Variants in PRR16 observed in about 807,000 individuals in gnomAD.
PRR16 encodes proline rich 16.
Under a neutral mutation model 18.2 loss-of-function variants are expected in PRR16, and 6 were observed. That is an observed-to-expected ratio of 0.33 (90% CI 0.18 to 0.65). The LOEUF (loss-of-function observed/expected upper bound fraction) is 0.65. Among genes scored for constraint, PRR16 ranks in the 30% least tolerant of loss-of-function variants. PRR16 has a pLI of 0.74. For missense variants in PRR16, 412 were observed against 376.6 expected, an observed-to-expected ratio of 1.09 and a Z score of -0.78; for synonymous variants, 151 against 147.8, an observed-to-expected ratio of 1.02 and a Z score of -0.16.
In PRR16 at chr5:120,592,617, C is replaced by G. The variant is rs117780291; in HGVS notation, c.160-93337C>G. 1.5e-3 allele frequency among the ~76,000 whole-genome samples: 235 copies of G among 152,244 alleles called. 10 individuals carry two copies. In the East Asian group the frequency reaches 0.044, roughly 28 times the overall value. On this transcript the variant is annotated intron_variant, in intron 1 of 1. Transcript: ENST00000407149. The stretch of plus-strand genomic sequence containing the variant: ...CAACTGCTTTACACATTATTCATCT[C>G]TCCTTTGTCTTTGTTGCCCATTGTG...
At chr5:120,735,536 T>C in the PRR16 span, among the ~76,000 whole-genome samples, 1 of 152,192 alleles carries the variant, frequency 6.6e-6, no homozygotes, top group Non-Finnish European at 1.5e-5. Context: ...TGAGAGCTTA[T>C]GTGGTTTTGA....
chr5:120,582,582 A>G (rs1462326474), intron 1 of PRR16, among the ~76,000 whole-genome samples: 3 of 152,224 alleles, frequency 2.0e-5, no homozygotes, highest in Non-Finnish European at 2.9e-5. Context: ...TAGAGAAAAT[A>G]TAGTTACAAA....
intron 1 of PRR16, among the ~76,000 whole-genome samples, chr5:120,486,526 A>G (rs574695844): frequency 6.6e-6 from 1 of 151,782 alleles, no homozygotes; most frequent in Admixed American, 6.6e-5. Context: ...GTTTGAGTTC[A>G]TTGTAGATGC....
At chr5:120,774,504 A>G in the PRR16 span, among the ~76,000 whole-genome samples, 2 of 152,150 alleles carry the variant, frequency 1.3e-5, no homozygotes, top group Non-Finnish European at 2.9e-5. Context: ...AATTTGACAA[A>G]GTGCATAGAA....
intron 1 of PRR16, among the ~76,000 whole-genome samples, chr5:120,497,367 CCT>C (rs1750284079): frequency 6.8e-6 from 1 of 147,790 alleles, no homozygotes. Flanking sequence ...TTTTGCTTCC[CCT>C]GTTTTGATGA....
At chr5:120,528,585 G>A (rs56946198) in intron 1 of PRR16, among the ~76,000 whole-genome samples, 25,612 of 152,124 alleles carry the variant, frequency 0.17, 2,600 homozygotes, top group African/African-American at 0.28. Flanking sequence ...AGGCATCCAA[G>A]TTTCCAGATG....
chr5:120,598,550 C>A (rs558331405), intron 1 of PRR16, among the ~76,000 whole-genome samples: 1 of 151,808 alleles, frequency 6.6e-6, no homozygotes, highest in Non-Finnish European at 1.5e-5. Flanking sequence ...TATAACCCAA[C>A]AGGTAGTTTT....
chr5:120,681,419 A>G (rs1756970063), intron 1 of PRR16, among the ~76,000 whole-genome samples: 1 of 152,124 alleles, frequency 6.6e-6, no homozygotes, highest in African/African-American at 2.4e-5. Flanking sequence ...CAATGAACTT[A>G]AATAGTTTAA....
intron 1 of PRR16, among the ~76,000 whole-genome samples, chr5:120,479,677 G>A (rs1162105642): frequency 2.0e-5 from 3 of 151,976 alleles, no homozygotes; most frequent in Non-Finnish European, 4.4e-5. Flanking sequence ...CACTTGTAAA[G>A]AAGAAGATAA....
intron 1 of PRR16, among the ~76,000 whole-genome samples, chr5:120,466,557 A>C (rs1414852884): frequency 1.3e-5 from 2 of 152,228 alleles, no homozygotes; most frequent in South Asian, 4.1e-4. Context: ...TTTGCTTTGC[A>C]TCATTATTTA....
the PRR16 span, among the ~76,000 whole-genome samples, chr5:120,726,111 G>C: frequency 7.9e-5 from 12 of 152,088 alleles, no homozygotes; most frequent in Admixed American, 6.6e-4. Context: ...ACTGAATATA[G>C]TGAATAAGAG....
chr5:120,623,713 A>C (rs1484701489), intron 1 of PRR16, among the ~76,000 whole-genome samples: 1 of 152,136 alleles, frequency 6.6e-6, no homozygotes, highest in African/African-American at 2.4e-5. Flanking sequence ...TTAATTTGCC[A>C]TGGATTCATT....
At chr5:120,606,095 A>C (rs971378578) in intron 1 of PRR16, among the ~76,000 whole-genome samples, 1 of 152,226 alleles carries the variant, frequency 6.6e-6, no homozygotes, top group African/African-American at 2.4e-5. Context: ...TGCATGCTGC[A>C]TGATGGTGGG....
At position 120,488,823 on chromosome 5, in the gene PRR16, T is replaced by A. The variant is rs372252452; in HGVS notation, c.159+24178T>A. 1.6e-4 allele frequency among the ~76,000 whole-genome samples: 24 copies of A among 152,346 alleles called. No homozygotes were observed. In the East Asian group the frequency reaches 2.1e-3, roughly 13 times the overall value. The stretch of plus-strand genomic sequence containing the variant: ...TTCCCTCTACACACTGCTTTGAATG[T>A]GTCTCCCAGAGATTCTGGTGTGTTG... On this transcript the variant is annotated intron_variant, in intron 1 of 1. Transcript: ENST00000407149.
chr5:120,705,542 A>G, the PRR16 span, among the ~76,000 whole-genome samples: 1 of 152,062 alleles, frequency 6.6e-6, no homozygotes, highest in South Asian at 2.1e-4. Context: ...TCTGTTCATT[A>G]TGTTTTTTCT....
chr5:120,657,400 C>T (rs973156830), intron 1 of PRR16, among the ~76,000 whole-genome samples: 3 of 151,936 alleles, frequency 2.0e-5, no homozygotes, highest in Non-Finnish European at 4.4e-5. Context: ...TACACATTCT[C>T]CTAGTTCCAT....
In PRR16 at chr5:120,686,527, C is replaced by A. The variant is rs944534709; in HGVS notation, c.733C>A (p.Pro245Thr). 6.2e-7 allele frequency: 1 copy of A among 1,613,862 alleles called. No individual in the cohort carries two copies. Residue 245 changes from proline to threonine, a missense_variant, in exon 2 of 2, where the codon CCT becomes ACT. Pro to Thr is a conservative substitution (Grantham distance 38). Coordinates refer to ENST00000407149, the MANE Select transcript of PRR16 (RefSeq NM_001300783.2). Reference protein sequence around the residue: ...SEPVHPPGKIPHQGPPLPPTP... With the variant: ...SEPVHPPGKITHQGPPLPPTP... ...ACCTGTCCACCCACCGGGAAAGATT[C>A]CTCACCAAGGCCCTCCCCTCCCTCC... is the stretch of plus-strand genomic sequence containing the variant.
intron 1 of PRR16, among the ~76,000 whole-genome samples, chr5:120,505,422 CAATCA>C (rs1750607754): frequency 6.6e-6 from 1 of 151,432 alleles, no homozygotes; most frequent in African/African-American, 2.5e-5. Flanking sequence ...GGCAGGTGTC[CAATCA>C]CAAATGGACT....
At chr5:120,743,571 C>A in the PRR16 span, among the ~76,000 whole-genome samples, 1 of 152,048 alleles carries the variant, frequency 6.6e-6, no homozygotes, top group African/African-American at 2.4e-5. Flanking sequence ...AGGAACTTTG[C>A]AAACTTTATC....
Sources: allele counts gnomAD v4.1 joint callset (sites outside exome capture counted in the v4.1 genomes callset), GRCh38; gene constraint gnomAD v4.1.1; transcripts MANE v1.5; gene names NCBI Gene and HGNC (gene_info 2026-07-23, HGNC 2026-07-21).